PCDHGB1: variants seen among roughly 807,000 people sequenced by gnomAD.
PCDHGB1 encodes the protein protocadherin gamma subfamily B, 1.
A neutral mutation model predicts 56.6 loss-of-function variants in PCDHGB1; 34 were observed. The observed-to-expected ratio is 0.60, with a 90% CI of 0.46 to 0.80. The LOEUF (loss-of-function observed/expected upper bound fraction) is 0.80. Among genes scored for constraint, PCDHGB1 ranks in the 30% least tolerant of loss-of-function variants. The pLI, the probability that PCDHGB1 is intolerant of heterozygous loss-of-function variation, is 0.00. For synonymous variants in PCDHGB1, 561 were observed against 505.9 expected (o/e 1.11, Z -1.46); for missense variants, 1,278 against 1,204.6 (o/e 1.06, Z -0.90).
rs566565641 is a variant in PCDHGB1, at chr5:141,367,114, T to C, written c.2409+14445T>C. The C allele has an allele frequency of 8.2e-5, 18 of 220,652 alleles. 1 individual carries two copies. Among genetic ancestry groups the C allele is most frequent in the Non-Finnish European group, 1.4e-4 (16 of 111,388 alleles). 13.7% of individuals were successfully genotyped at this position (220,652 alleles called of 1,614,324 possible). A position where few individuals can be genotyped will look rare whatever the true frequency, so the allele number is the denominator to read the frequency against. ...CTTTTGAGTGTCTGCCTAGACACCA[T>C]TAGTGAATGTGTTTTGGAAAGGATA... On this transcript the variant is annotated intron_variant, in intron 1 of 3. Coordinates refer to ENST00000523390, the MANE Select transcript of PCDHGB1 (RefSeq NM_018922.3).
chr5:141,388,789 T>A (rs2091491529), intron 1 of PCDHGB1: 1 of 1,613,948 alleles, frequency 6.2e-7, no homozygotes, highest in Non-Finnish European at 8.5e-7. Context: ...ATTACTGTTT[T>A]AAATACATTA....
intron 1 of PCDHGB1, chr5:141,377,057 C>A (rs72790015): frequency 0.063 from 9,654 of 152,822 alleles, 351 homozygotes; most frequent in African/African-American, 0.097. Context: ...TTTTCTTAGC[C>A]CTTTGCAGAG....
chr5:141,360,870 C>A (rs972403699), intron 1 of PCDHGB1: 24 of 1,613,872 alleles, frequency 1.5e-5, no homozygotes, highest in African/African-American at 2.7e-5. Flanking sequence ...TCAGCCAGGA[C>A]GTGTACAGGG....
chr5:141,420,804 G>C (rs1283868316), intron 1 of PCDHGB1, among the ~76,000 whole-genome samples: 1 of 152,188 alleles, frequency 6.6e-6, no homozygotes, highest in Non-Finnish European at 1.5e-5. Context: ...TAAAAATTAA[G>C]CAAGCCCTTT....
intron 1 of PCDHGB1, chr5:141,396,168 T>C (rs2093349513): frequency 2.0e-5 from 3 of 152,184 alleles, no homozygotes; most frequent in Admixed American, 2.0e-4. Flanking sequence ...AGTTATTCAG[T>C]CTTGGCTGGA....
rs1426305491 is a variant in PCDHGB1 at position 141,489,758 on chromosome 5, G to A, written c.2410-5049G>A. 1 of 1,614,084 alleles carries A rather than the reference G, an allele frequency of 6.2e-7. No homozygotes were observed. The highest frequency in any genetic ancestry group is 1.7e-5 in the Admixed American group (1 of 60,020). On this transcript the variant is annotated intron_variant, in intron 1 of 3. Coordinates refer to ENST00000523390, the MANE Select transcript of PCDHGB1 (RefSeq NM_018922.3). The surrounding 1 kb of genome is among the most constrained non-coding windows in gnomAD (Gnocchi z 4.5). ...AATACTGTGAGCTTTTACACTCTAAGCCCCAACAGCCACTTCTCTCTGAAT... is the reference window on the plus strand; with the variant it reads ...AATACTGTGAGCTTTTACACTCTAAACCCCAACAGCCACTTCTCTCTGAAT...
At chr5:141,376,059 C>A (rs761483041) in intron 1 of PCDHGB1, 1 of 1,613,280 alleles carries the variant, frequency 6.2e-7, no homozygotes, top group Admixed American at 1.7e-5. Context: ...GCCACTGTCA[C>A]GCTCACCGTG....
chr5:141,398,866 T>C, intron 1 of PCDHGB1: 1 of 1,613,962 alleles, frequency 6.2e-7, no homozygotes, highest in Non-Finnish European at 8.5e-7. Flanking sequence ...CCGAGACGTG[T>C]ACAGAGTCAG....
intron 1 of PCDHGB1, among the ~76,000 whole-genome samples, chr5:141,363,355 A>G (rs1252929193): frequency 6.6e-6 from 1 of 152,170 alleles, no homozygotes; most frequent in Non-Finnish European, 1.5e-5. Context: ...TGAAATGTCC[A>G]TTTTTTTCAA....
chr5:141,511,007 G>A lies in PCDHGB1; in HGVS notation c.2618G>A (p.Arg873His), dbSNP rs780918754. The change falls in exon 4 of 4, where the codon CGC becomes CAC. Residue 873 changes from arginine to histidine, a missense_variant. Physicochemically the swap from Arg to His is conservative, Grantham distance 29 (BLOSUM62 0). Transcript: ENST00000523390. ...GCCGGCACCATGGGATTGAGCGCCC[G>A]CTACGGACCCCAGTTCACCCTGCAG... is the stretch of plus-strand genomic sequence containing the variant. ...GGAGTMGLSA[R>H]YGPQFTLQHV... 1.9e-6 allele frequency: 3 copies of A among 1,614,158 alleles called. No individual in the cohort carries two copies. Among genetic ancestry groups the A allele is most frequent in the East Asian group, 4.5e-5 (2 of 44,890 alleles).
chr5:141,498,656 G>A (rs2154592341), intron 2 of PCDHGB1, among the ~76,000 whole-genome samples: 1 of 152,336 alleles, frequency 6.6e-6, no homozygotes, highest in Non-Finnish European at 1.5e-5. Context: ...ACCTGGCCAG[G>A]TGTGGTGGCT....
chr5:141,399,656 T>C, intron 1 of PCDHGB1: 1 of 1,613,694 alleles, frequency 6.2e-7, no homozygotes, highest in Non-Finnish European at 8.5e-7. Context: ...AGTGGGGTGG[T>C]GTTCGCGCAG....
intron 1 of PCDHGB1, chr5:141,372,479 G>A (rs568230269): frequency 1.9e-6 from 3 of 1,614,020 alleles, no homozygotes; most frequent in African/African-American, 2.7e-5. Flanking sequence ...TAGTAGTGGC[G>A]TTGGCCTTGA....
chr5:141,398,448 G>A lies in PCDHGB1; in HGVS notation c.2409+45779G>A, dbSNP rs1213915296. On this transcript the variant is annotated intron_variant, in intron 1 of 3. Coordinates refer to ENST00000523390, the MANE Select transcript of PCDHGB1 (RefSeq NM_018922.3). ...AGCCAGCTTGTGCTCTGGAATTTGAGGCTGTTGCTGAAAATCCACTGAACT... is the reference window on the plus strand; with the variant it reads ...AGCCAGCTTGTGCTCTGGAATTTGAAGCTGTTGCTGAAAATCCACTGAACT... 2.5e-6 allele frequency: 4 copies of A among 1,574,288 alleles called. No individual in the cohort carries two copies. In the Middle Eastern group the frequency reaches 5.2e-4, roughly 203 times the overall value.
In PCDHGB1 at chr5:141,432,601, G is replaced by A. The variant is rs1313279772; in HGVS notation, c.2410-62206G>A. The A allele has an allele frequency of 5.6e-6, 9 of 1,613,950 alleles. No homozygotes were observed. Among genetic ancestry groups the A allele is most frequent in the Admixed American group, 1.7e-5 (1 of 60,030 alleles). On this transcript the variant is annotated intron_variant, in intron 1 of 3. Transcript: ENST00000523390. The surrounding 1 kb of genome is among the most constrained non-coding windows in gnomAD (Gnocchi z 6.0). ...ACCGTCTGCTCAAGGCCAGCGAGCC[G>A]GGACTCTTCTCGGTGGGTCTGCACA...
In PCDHGB1 at chr5:141,352,279, C is replaced by G. The variant is rs757239425; in HGVS notation, c.2019C>G (p.Asp673Glu). Reference sequence around the variant, plus strand: ...AAGAGGTATTGCCAGACCTCAGCGACCGCCCTGAGCCCTCTGACCCCCAGA... The same window carrying G: ...AAGAGGTATTGCCAGACCTCAGCGAGCGCCCTGAGCCCTCTGACCCCCAGA... ...SLQEVLPDLS[D>E]RPEPSDPQTE... The change falls in exon 1 of 4, where the codon GAC (aspartate) becomes GAG (glutamate). Residue 673 changes from aspartate to glutamate, a missense_variant. Physicochemically the swap from Asp to Glu is conservative, Grantham distance 45 (BLOSUM62 2). Coordinates refer to ENST00000523390, the MANE Select transcript of PCDHGB1 (RefSeq NM_018922.3). 1.4e-4 allele frequency: 218 copies of G among 1,613,962 alleles called. No homozygotes were observed. Among genetic ancestry groups the G allele is most frequent in the Non-Finnish European group, 1.8e-4 (212 of 1,179,914 alleles).
At chr5:141,400,064 G>A in intron 1 of PCDHGB1, 1 of 1,613,770 alleles carries the variant, frequency 6.2e-7, no homozygotes, top group Non-Finnish European at 8.5e-7. Context: ...CGTGATGGTG[G>A]ACAGCCGCCA....
intron 1 of PCDHGB1, 58 bp from the exon 2 acceptor site, chr5:141,494,749 G>A (rs573811540): frequency 2.9e-5 from 47 of 1,612,698 alleles, no homozygotes; most frequent in Non-Finnish European, 3.6e-5. Flanking sequence ...CTAGGGGCTC[G>A]GGTGACATTC....
At position 141,390,023 on chromosome 5, in the gene PCDHGB1, G is replaced by C. The variant is rs2092020127; in HGVS notation, c.2409+37354G>C. ...TGATTCTGGCCATTGCCTTGCGCCT[G>C]CGACGCTCCTCCAGCCCCGCCTCCT... On this transcript the variant is annotated intron_variant, in intron 1 of 3. Transcript: ENST00000523390. The C allele has an allele frequency of 1.9e-6, 3 of 1,613,908 alleles. No individual in the cohort carries two copies. In the African/African-American group the frequency reaches 4.0e-5, roughly 22 times the overall value.
Sources: allele counts gnomAD v4.1 joint callset (sites outside exome capture counted in the v4.1 genomes callset), GRCh38; gene constraint gnomAD v4.1.1; non-coding constraint Gnocchi (gnomAD v3.1); transcripts MANE v1.5; gene names NCBI Gene and HGNC (gene_info 2026-07-23, HGNC 2026-07-21).